CNOT2: variants seen among roughly 807,000 people sequenced by gnomAD.
CNOT2 encodes CCR4-NOT transcription complex subunit 2, also known as CC chemokine receptor 4-negative regulator of transcription 2.
CNOT2 carries 7 observed loss-of-function variants against 72.1 expected under a neutral mutation model. The observed-to-expected ratio is 0.10, with a 90% CI of 0.06 to 0.18. The LOEUF is 0.18. Among genes scored for constraint, CNOT2 ranks in the 10% least tolerant of loss-of-function variants. CNOT2 has a pLI of 1.00. For missense variants in CNOT2, 345 were observed against 660.3 expected, an observed-to-expected ratio of 0.52 and a Z score of 5.23; for synonymous variants, 196 against 225.6, an observed-to-expected ratio of 0.87 and a Z score of 1.17.
At chr12:70,350,727 A>G (rs550579416) in intron 15 of CNOT2, among the ~76,000 whole-genome samples, 2 of 152,352 alleles carry the variant, frequency 1.3e-5, no homozygotes, top group African/African-American at 4.8e-5. Flanking sequence ...TTTCATGGTT[A>G]GACTTGGGTC....
chr12:70,305,663 T>G (rs1366022912), intron 2 of CNOT2, among the ~76,000 whole-genome samples: 1 of 152,184 alleles, frequency 6.6e-6, no homozygotes, highest in Non-Finnish European at 1.5e-5. Flanking sequence ...AAAATTAAGC[T>G]GAAACATAAG....
At chr12:70,320,036 T>G (rs191942405) in intron 4 of CNOT2, among the ~76,000 whole-genome samples, 35 of 151,830 alleles carry the variant, frequency 2.3e-4, no homozygotes, top group Admixed American at 1.4e-3. Context: ...TAAAATATCT[T>G]TATATTTTCT....
At chr12:70,315,142 G>A (rs745969648) in intron 3 of CNOT2, among the ~76,000 whole-genome samples, 1 of 152,134 alleles carries the variant, frequency 6.6e-6, no homozygotes, top group Non-Finnish European at 1.5e-5. Context: ...GGGATTACAG[G>A]TGTGAGCCAC....
intron 6 of CNOT2, chr12:70,332,511 A>T: frequency 2.9e-6 from 1 of 342,090 alleles, no homozygotes; most frequent in Non-Finnish European, 4.7e-6. Context: ...GTTTTCCTCA[A>T]GGTTCATATA....
chr12:70,305,533 G>A (rs562568161), intron 2 of CNOT2, among the ~76,000 whole-genome samples: 1 of 152,310 alleles, frequency 6.6e-6, no homozygotes, highest in African/African-American at 2.4e-5. Context: ...AATATATAGG[G>A]TTGGTTTGAT....
intron 2 of CNOT2, among the ~76,000 whole-genome samples, chr12:70,288,136 C>CTT (rs68143994): frequency 0.037 from 3,207 of 86,630 alleles, 198 homozygotes; most frequent in African/African-American, 0.071. Flanking sequence ...TGGTGTAGCT[C>CTT]TTTTTTTTTT....
chr12:70,280,046 T>A (rs1037380073), intron 2 of CNOT2, among the ~76,000 whole-genome samples: 2 of 152,158 alleles, frequency 1.3e-5, no homozygotes, highest in African/African-American at 4.8e-5. Flanking sequence ...TTGTTACATG[T>A]ATAGAATGTC....
intron 2 of CNOT2, among the ~76,000 whole-genome samples, chr12:70,288,136 C>CTTT (rs68143994): frequency 0.013 from 1,151 of 86,690 alleles, 1 homozygote; most frequent in Non-Finnish European, 0.015. Flanking sequence ...TGGTGTAGCT[C>CTTT]TTTTTTTTTT....
At chr12:70,337,287 G>C in intron 8 of CNOT2, 102 bp from the exon 9 acceptor site, 2 of 925,832 alleles carry the variant, frequency 2.2e-6, no homozygotes, top group East Asian at 5.2e-5. Flanking sequence ...TTAAAAAAAA[G>C]AAACCTTTTG....
At chr12:70,279,838 A>C (rs569584294) in intron 2 of CNOT2, among the ~76,000 whole-genome samples, 1 of 152,316 alleles carries the variant, frequency 6.6e-6, no homozygotes, top group African/African-American at 2.4e-5. Context: ...ATACATGAAG[A>C]GATTTGCTTA....
At chr12:70,271,972 C>T (rs1265100309) in intron 1 of CNOT2, among the ~76,000 whole-genome samples, 1 of 152,138 alleles carries the variant, frequency 6.6e-6, no homozygotes, top group Non-Finnish European at 1.5e-5. Flanking sequence ...GCTTGTCCTA[C>T]GTCAGACTAT....
chr12:70,340,428 C>A (rs1193002409), intron 11 of CNOT2, among the ~76,000 whole-genome samples: 1 of 151,986 alleles, frequency 6.6e-6, no homozygotes, highest in Admixed American at 6.6e-5. Flanking sequence ...GTTTTAAATA[C>A]CATATATATT....
chr12:70,349,155 G>A (rs1882564753), intron 15 of CNOT2, among the ~76,000 whole-genome samples: 1 of 152,100 alleles, frequency 6.6e-6, no homozygotes, highest in Admixed American at 6.6e-5. Context: ...TGAAGTTGCA[G>A]TATATTAACG....
intron 1 of CNOT2, among the ~76,000 whole-genome samples, chr12:70,248,354 A>T (rs1217833220): frequency 6.6e-6 from 1 of 152,194 alleles, no homozygotes; most frequent in Non-Finnish European, 1.5e-5. Flanking sequence ...AAGCTCTGAA[A>T]GTTGATCATT....
In CNOT2 at chr12:70,315,468, C is replaced by A. The variant is rs75797211; in HGVS notation, c.172-3830C>A. On this transcript the variant is annotated intron_variant, in intron 3 of 15. Transcript: ENST00000229195. ...TAATTTTGAGTATATTATACAGAGT[C>A]TTTTAAAAATAATATTTTAAAACTT... is the stretch of plus-strand genomic sequence containing the variant. Among the ~76,000 whole-genome samples, 252 of 152,082 alleles carry A rather than the reference C, an allele frequency of 1.7e-3. 3 individuals are homozygous for A. Among genetic ancestry groups the A allele is most frequent in the African/African-American group, 5.8e-3 (239 of 41,516 alleles).
At position 70,249,956 on chromosome 12, in the gene CNOT2, T is replaced by A. The variant is rs529651562; in HGVS notation, c.-96+6476T>A. Among the ~76,000 whole-genome samples, 7 of 152,164 alleles carry A rather than the reference T, an allele frequency of 4.6e-5. No individual in the cohort carries two copies. The South Asian group carries it at 1.0e-3, about 23-fold the overall frequency. On this transcript the variant is annotated intron_variant, in intron 1 of 15. Coordinates refer to ENST00000229195, the MANE Select transcript of CNOT2 (RefSeq NM_014515.7). ...GTCTGGCCTGAAATTAGAAAAAAAATTGGAGCCATAATCTTTCTAATCTAT... is the reference window on the plus strand; with the variant it reads ...GTCTGGCCTGAAATTAGAAAAAAAAATGGAGCCATAATCTTTCTAATCTAT...
chr12:70,335,653 T>A, intron 8 of CNOT2, 90 bp downstream of exon 8: 2 of 943,772 alleles, frequency 2.1e-6, no homozygotes, highest in Non-Finnish European at 3.3e-6. Context: ...CATATGCTTG[T>A]GTGTGTACAC....
intron 4 of CNOT2, among the ~76,000 whole-genome samples, chr12:70,326,848 A>G (rs1024802381): frequency 1.3e-5 from 2 of 151,862 alleles, no homozygotes; most frequent in African/African-American, 4.8e-5. Context: ...GTGAAGATTA[A>G]TTTTAGAAAG....
At chr12:70,316,235 C>G (rs1271528299) in intron 3 of CNOT2, among the ~76,000 whole-genome samples, 5 of 152,066 alleles carry the variant, frequency 3.3e-5, no homozygotes. Flanking sequence ...GTTTCTTGAT[C>G]TAAAGTTTTA....
Sources: allele counts gnomAD v4.1 joint callset (sites outside exome capture counted in the v4.1 genomes callset), GRCh38; gene constraint gnomAD v4.1.1; transcripts MANE v1.5; gene names NCBI Gene and HGNC (gene_info 2026-07-23, HGNC 2026-07-21).